HIVEP3: variants seen among roughly 807,000 people sequenced by gnomAD.
HIVEP3 encodes the protein HIVEP zinc finger 3.
Under a neutral mutation model 152.8 loss-of-function variants are expected in HIVEP3, and 49 were observed. The ratio of observed to expected loss-of-function variants is 0.32; its 90% CI spans 0.26 to 0.41. The LOEUF (loss-of-function observed/expected upper bound fraction) is 0.41. Among genes scored for constraint, HIVEP3 ranks in the 10% least tolerant of loss-of-function variants. HIVEP3 has a pLI of 1.00. For synonymous variants in HIVEP3, 1,269 were observed against 1,289.0 expected, an observed-to-expected ratio of 0.98 and a Z score of 0.33; for missense variants, 2,790 against 3,103.3, an observed-to-expected ratio of 0.90 and a Z score of 2.40.
chr1:41,583,064 G>T lies in HIVEP3; in HGVS notation c.1734C>A (p.His578Gln). 1 of 1,613,892 alleles carries T rather than the reference G, an allele frequency of 6.2e-7. No individual in the cohort carries two copies. Among genetic ancestry groups the T allele is most frequent in the Non-Finnish European group, 8.5e-7 (1 of 1,179,896 alleles). Residue 578 changes from histidine to glutamine, a missense_variant, in exon 4 of 9, where the codon CAC becomes CAA. Physicochemically the swap from His to Gln is conservative, Grantham distance 24. Around this residue, in one of 9 missense-constraint regions of HIVEP3, gnomAD observed 339 missense variants for 327.0 expected, o/e 1.04. Coordinates refer to ENST00000372583, the MANE Select transcript of HIVEP3 (RefSeq NM_024503.5). This position sits in a 1 kb window ranked among gnomAD's most constrained non-coding sequence, Gnocchi z 6.9. ...GCATCCGGGGGTGGGAGGTAAACAC[G>T]TGACTGCTGTGGCTCAGGGCTTCGG... ...TDSEALSHSS[H>Q]VFTSHPRMLK...
intron 1 of HIVEP3, among the ~76,000 whole-genome samples, chr1:41,882,426 CA>C (rs1644277305): frequency 6.6e-6 from 1 of 152,174 alleles, no homozygotes; most frequent in Non-Finnish European, 1.5e-5. Flanking sequence ...ACAGGAGTTT[CA>C]AAATCCCAGC....
At chr1:41,935,857 T>C (rs72671297) in intron 1 of HIVEP3, among the ~76,000 whole-genome samples, 5,806 of 151,534 alleles carry the variant, frequency 0.038, 265 homozygotes, top group Admixed American at 0.15. Flanking sequence ...AATGTGATAT[T>C]CTAAGATCAT....
chr1:41,872,659 T>C (rs115004777), intron 1 of HIVEP3, among the ~76,000 whole-genome samples: 10 of 152,336 alleles, frequency 6.6e-5, no homozygotes, highest in African/African-American at 2.4e-4. Context: ...AATATATATA[T>C]ACTTGTTGAT....
chr1:41,553,373 T>C (rs1394233141), intron 5 of HIVEP3, among the ~76,000 whole-genome samples: 1 of 152,202 alleles, frequency 6.6e-6, no homozygotes, highest in East Asian at 1.9e-4. Context: ...TTCATCCCTT[T>C]ATTTTGAGCC....
intron 1 of HIVEP3, among the ~76,000 whole-genome samples, chr1:41,784,440 A>G (rs1649227496): frequency 6.6e-6 from 1 of 152,232 alleles, no homozygotes; most frequent in African/African-American, 2.4e-5. Context: ...ATTTAAAATC[A>G]CACGTGTGGT....
chr1:41,666,026 T>A (rs1645791135), intron 2 of HIVEP3, among the ~76,000 whole-genome samples: 1 of 152,198 alleles, frequency 6.6e-6, no homozygotes. Flanking sequence ...GGTCTTACAC[T>A]GACTTAGCAA....
At position 41,886,381 on chromosome 1, in the gene HIVEP3, C is replaced by G. The variant is rs530946342; in HGVS notation, c.-801+32032G>C. Among the ~76,000 whole-genome samples the G allele has an allele frequency of 3.3e-5, 5 of 152,156 alleles. No homozygotes were observed. The South Asian group carries it at 1.0e-3, about 32-fold the overall frequency. On this transcript the variant is annotated intron_variant, in intron 1 of 8. Transcript: ENST00000372583. ...GACTCAAAGGTGCAATACCTGGCACCTGAGACATAAAAATAGGGGAGAAAA... is the reference window on the plus strand; with the variant it reads ...GACTCAAAGGTGCAATACCTGGCACGTGAGACATAAAAATAGGGGAGAAAA...
intron 1 of HIVEP3, among the ~76,000 whole-genome samples, chr1:41,758,530 T>C (rs1040492582): frequency 2.0e-5 from 3 of 152,180 alleles, no homozygotes; most frequent in Non-Finnish European, 4.4e-5. Context: ...GGAAGCTTTA[T>C]AAAATATAGA....
At chr1:41,895,412 G>A (rs567380354) in intron 1 of HIVEP3, among the ~76,000 whole-genome samples, 1 of 152,196 alleles carries the variant, frequency 6.6e-6, no homozygotes, top group South Asian at 2.1e-4. Context: ...GATCCAGGGG[G>A]TCCAATGTTC....
intron 5 of HIVEP3, among the ~76,000 whole-genome samples, chr1:41,554,730 C>T (rs971699083): frequency 1.3e-5 from 2 of 152,148 alleles, no homozygotes; most frequent in African/African-American, 4.8e-5. Flanking sequence ...GTTAGTTTTC[C>T]TTCTAACAGT....
intron 1 of HIVEP3, among the ~76,000 whole-genome samples, chr1:41,834,101 C>T (rs1643047987): frequency 6.6e-6 from 1 of 152,194 alleles, no homozygotes; most frequent in Non-Finnish European, 1.5e-5. Flanking sequence ...GACCAGTGAG[C>T]CCGGCTCCCT....
At chr1:42,011,441 A>C (rs1645491687) in intron 1 of HIVEP3, among the ~76,000 whole-genome samples, 1 of 152,220 alleles carries the variant, frequency 6.6e-6, no homozygotes. Flanking sequence ...CAAAGTTAGA[A>C]GTTAAATCTA....
chr1:41,819,557 T>C (rs75941602), intron 1 of HIVEP3, among the ~76,000 whole-genome samples: 296 of 152,348 alleles, frequency 1.9e-3, no homozygotes, highest in African/African-American at 6.8e-3. Flanking sequence ...CATTTCCCAC[T>C]CATTTTGAAA....
In HIVEP3 at chr1:41,584,265, T is replaced by A; in HGVS notation, c.533A>T (p.Glu178Val). The change falls in exon 4 of 9, where the codon GAG becomes GTG. Residue 178 changes from glutamate (E) to valine (V), a missense_variant. This residue lies in a region of HIVEP3 where 209 missense variants were observed against 237.0 expected (regional missense o/e 0.88). Coordinates refer to ENST00000372583, the MANE Select transcript of HIVEP3 (RefSeq NM_024503.5). This position sits in a 1 kb window ranked among gnomAD's most constrained non-coding sequence, Gnocchi z 5.2. ...GGGCTTCCTCTCCTTCTTGTGTGCC[T>A]CTTCTGTGGGCTTCAAGGAGACCTG... ...PSQVSLKPTE[E>V]AHKKERKPQK... The A allele has an allele frequency of 6.2e-7, 1 of 1,613,420 alleles. No homozygotes were observed. Among genetic ancestry groups the A allele is most frequent in the Non-Finnish European group, 8.5e-7 (1 of 1,179,586 alleles).
intron 2 of HIVEP3, among the ~76,000 whole-genome samples, chr1:41,629,539 A>G (rs1456560973): frequency 1.3e-5 from 2 of 152,246 alleles, no homozygotes; most frequent in African/African-American, 4.8e-5. Context: ...ACGAAGATCT[A>G]ATATTCAGAA....
At position 41,779,282 on chromosome 1, in the gene HIVEP3, TG is replaced by T. The variant is rs141613015; in HGVS notation, c.-800-78288del. On this transcript the variant is annotated intron_variant, in intron 1 of 8. Coordinates refer to ENST00000372583, the MANE Select transcript of HIVEP3 (RefSeq NM_024503.5). Reference sequence around the variant, plus strand: ...TGCTGGGCTTTGGAGTCAGGCTGCCTGGGTGGATCCCAACTCTGCCATTCCC... The same window carrying T: ...TGCTGGGCTTTGGAGTCAGGCTGCCTGGTGGATCCCAACTCTGCCATTCCC... Among the ~76,000 whole-genome samples, 493 of 152,346 alleles carry T rather than the reference TG, an allele frequency of 3.2e-3. 4 individuals are homozygous for T. The highest frequency in any genetic ancestry group is 0.011 in the African/African-American group (475 of 41,582).
intron 1 of HIVEP3, among the ~76,000 whole-genome samples, chr1:41,763,037 C>A (rs960365318): frequency 6.6e-6 from 1 of 152,164 alleles, no homozygotes; most frequent in African/African-American, 2.4e-5. Flanking sequence ...AACACTAATA[C>A]AAAAGCCAGA....
At chr1:41,939,816 C>A (rs924828256) in intron 1 of HIVEP3, among the ~76,000 whole-genome samples, 1 of 152,114 alleles carries the variant, frequency 6.6e-6, no homozygotes, top group Non-Finnish European at 1.5e-5. Flanking sequence ...TCAGTACTTG[C>A]CTGAGTTATT....
chr1:41,624,709 G>A (rs139697959), intron 3 of HIVEP3, among the ~76,000 whole-genome samples: 5 of 152,290 alleles, frequency 3.3e-5, no homozygotes, highest in African/African-American at 1.2e-4. Flanking sequence ...TGTGTAATAG[G>A]AAGGAATTCA....
Sources: allele counts gnomAD v4.1 joint callset (sites outside exome capture counted in the v4.1 genomes callset), GRCh38; gene constraint gnomAD v4.1.1; regional missense constraint gnomAD v4.1.1; non-coding constraint Gnocchi (gnomAD v3.1); transcripts MANE v1.5; gene names NCBI Gene and HGNC (gene_info 2026-07-23, HGNC 2026-07-21).